Variants in GTF3C1 observed in about 807,000 individuals in gnomAD.
The protein encoded by GTF3C1 is general transcription factor 3C polypeptide 1.
Under a neutral mutation model 226.7 loss-of-function variants are expected in GTF3C1, and 57 were observed. That is an observed-to-expected ratio of 0.25 (90% CI 0.20 to 0.31). The LOEUF is 0.31. Among genes scored for constraint, GTF3C1 ranks in the 10% least tolerant of loss-of-function variants. The probability of loss-of-function intolerance (pLI) is 1.00; values close to 1 mark genes in which losing one functional copy is unlikely to be tolerated. For synonymous variants in GTF3C1, 1,090 were observed against 1,084.8 expected (o/e 1.00, Z -0.09); for missense variants, 2,217 against 2,776.1 (o/e 0.80, Z 4.53).
In GTF3C1 at chr16:27,469,742, G is replaced by A. The variant is rs1288508785; in HGVS notation, c.4815-192C>T. Among the ~76,000 whole-genome samples, 2 of 151,950 alleles carry A rather than the reference G, an allele frequency of 1.3e-5. No individual in the cohort carries two copies. Among genetic ancestry groups the A allele is most frequent in the African/African-American group, 2.4e-5 (1 of 41,336 alleles). ...CCTTTCCCACCTTCCCGTGCACCGCGCTCACCCCTTGTCACATAGCTGTAT... is the reference window on the plus strand; with the variant it reads ...CCTTTCCCACCTTCCCGTGCACCGCACTCACCCCTTGTCACATAGCTGTAT... On this transcript the variant is annotated intron_variant, in intron 31 of 36. Coordinates refer to ENST00000356183, the MANE Select transcript of GTF3C1 (RefSeq NM_001520.4). The surrounding 1 kb of genome is among the most constrained non-coding windows in gnomAD (Gnocchi z 4.5).
intron 12 of GTF3C1, among the ~76,000 whole-genome samples, chr16:27,500,470 C>T (rs931603651): frequency 6.6e-6 from 1 of 152,172 alleles, no homozygotes; most frequent in African/African-American, 2.4e-5. Context: ...CAAAAATGAC[C>T]TTGCTAGCTT....
intron 5 of GTF3C1, among the ~76,000 whole-genome samples, chr16:27,531,918 G>C (rs1431336281): frequency 6.6e-6 from 1 of 152,190 alleles, no homozygotes; most frequent in Non-Finnish European, 1.5e-5. Context: ...CTGATAAACT[G>C]AGACACAGAG....
chr16:27,496,110 T>TC (rs2088312514), intron 14 of GTF3C1, among the ~76,000 whole-genome samples: 1 of 152,072 alleles, frequency 6.6e-6, no homozygotes, highest in African/African-American at 2.4e-5. Context: ...GTGTGGCACC[T>TC]CCCCCAACTC....
intron 4 of GTF3C1, among the ~76,000 whole-genome samples, chr16:27,534,382 T>C (rs1186355458): frequency 1.3e-5 from 2 of 152,232 alleles, no homozygotes; most frequent in Non-Finnish European, 2.9e-5. Flanking sequence ...ACAGCTTGGC[T>C]TGACTTACAG....
In GTF3C1 at chr16:27,488,376, C is replaced by T; in HGVS notation, c.3551G>A (p.Gly1184Asp). 1 of 1,613,666 alleles carries T rather than the reference C, an allele frequency of 6.2e-7. No individual in the cohort carries two copies. ...RLNIWGEARV[G>D]SELCAGWEEQ... ...TTCCCAGCCAGCACAGAGCTCGGAG[C>T]CTACTCTTGCTTCCCCCCAAATATT... The change falls in exon 23 of 37, where the codon GGC (glycine) becomes GAC (aspartate). Residue 1184 changes from glycine (G) to aspartate (D), a missense_variant. Transcript: ENST00000356183.
intron 25 of GTF3C1, 61 bp downstream of exon 25, chr16:27,484,150 T>C: frequency 1.5e-6 from 2 of 1,295,494 alleles, no homozygotes; most frequent in Non-Finnish European, 2.2e-6. Context: ...CCCACCAGAC[T>C]CTTAAGCAAA....
chr16:27,519,699 G>C (rs904579515), intron 6 of GTF3C1, among the ~76,000 whole-genome samples: 8 of 151,852 alleles, frequency 5.3e-5, no homozygotes, highest in African/African-American at 1.9e-4. Context: ...GAGGGCAAGA[G>C]AAAAGAGAAA....
At chr16:27,531,759 G>A (rs955160610) in intron 5 of GTF3C1, among the ~76,000 whole-genome samples, 3 of 151,990 alleles carry the variant, frequency 2.0e-5, no homozygotes, top group Non-Finnish European at 4.4e-5. Flanking sequence ...TAGGAGAGAG[G>A]GTTTCAATCT....
intron 6 of GTF3C1, among the ~76,000 whole-genome samples, chr16:27,512,618 A>G (rs2088592356): frequency 6.6e-6 from 1 of 152,238 alleles, no homozygotes; most frequent in African/African-American, 2.4e-5. Context: ...TGTGCATTCA[A>G]ATCATCACAC....
chr16:27,465,575 G>A (rs576901340), intron 32 of GTF3C1, 35 bp from the exon 33 acceptor site: 25 of 1,545,150 alleles, frequency 1.6e-5, no homozygotes, highest in African/African-American at 1.1e-4. Context: ...GAGGCAGCCC[G>A]ACAGAGGCCC....
chr16:27,509,276 C>A lies in GTF3C1; in HGVS notation c.1127-621G>T, dbSNP rs540743733. On this transcript the variant is annotated intron_variant, in intron 7 of 36. Coordinates refer to ENST00000356183, the MANE Select transcript of GTF3C1 (RefSeq NM_001520.4). ...TTGTCTACTCCTGGGCTGTCACAAG[C>A]TGGTGTATGTCAGGATTGTGAGTAT... 6.6e-5 allele frequency among the ~76,000 whole-genome samples: 10 copies of A among 152,260 alleles called. No individual in the cohort carries two copies. In the East Asian group the frequency reaches 1.9e-3, roughly 29 times the overall value.
intron 26 of GTF3C1, chr16:27,482,730 C>G (rs920415379): frequency 2.3e-6 from 1 of 442,306 alleles, no homozygotes; most frequent in Non-Finnish European, 4.4e-6. Flanking sequence ...AAAACCCACA[C>G]CCAGTCTGCG....
At position 27,549,873 on chromosome 16, in the gene GTF3C1, C is replaced by T. The variant is rs143230097; in HGVS notation, c.18G>A (p.Ser6=). The change falls in exon 1 of 37, where the codon TCG becomes TCA. Residue 6 remains serine, a synonymous_variant. Transcript: ENST00000356183. MDALE[S]LLDEVALEGL... is the part of the protein sequence containing the mutation. ...CCTCCAGAGCGACTTCGTCCAACAA[C>T]GACTCCAGCGCGTCCATTGCTACTT... 1 of 1,611,980 alleles carries T rather than the reference C, an allele frequency of 6.2e-7. No individual in the cohort carries two copies. The highest frequency in any genetic ancestry group is 8.5e-7 in the Non-Finnish European group (1 of 1,178,916).
intron 2 of GTF3C1, among the ~76,000 whole-genome samples, chr16:27,543,563 GTTTT>G (rs1305676826): frequency 6.6e-6 from 1 of 151,932 alleles, no homozygotes; most frequent in Non-Finnish European, 1.5e-5. Flanking sequence ...CTAGTTTTTT[GTTTT>G]TTTAATTTTT....
At position 27,507,806 on chromosome 16, in the gene GTF3C1, CAA is replaced by C. The variant is rs1277645658; in HGVS notation, c.1243-652_1243-651del. Among the ~76,000 whole-genome samples, 1 of 152,226 alleles carries C rather than the reference CAA, an allele frequency of 6.6e-6. No homozygotes were observed. Among genetic ancestry groups the C allele is most frequent in the Non-Finnish European group, 1.5e-5 (1 of 68,036 alleles). On this transcript the variant is annotated intron_variant, in intron 8 of 36. Transcript: ENST00000356183. The surrounding 1 kb of genome is among the most constrained non-coding windows in gnomAD (Gnocchi z 4.9). ...GGGCTGAGACCACAGGTCTGAATTA[CAA>C]AAGAGTGCCAGACAGGCATAGCTGG...
rs150721518 is a variant in GTF3C1, at chr16:27,506,136, T to C, written c.1553-20A>G. ...ACCCACCTGTGGTGGAGGGAAGAGATAGAACAAATCAAGGGGGAGGCCAGG... is the reference window on the plus strand; with the variant it reads ...ACCCACCTGTGGTGGAGGGAAGAGACAGAACAAATCAAGGGGGAGGCCAGG... On this transcript the variant is annotated intron_variant, in intron 9 of 36. Transcript: ENST00000356183. 1.2e-5 allele frequency: 18 copies of C among 1,467,972 alleles called. No homozygotes were observed. Among genetic ancestry groups the C allele is most frequent in the South Asian group, 3.4e-5 (3 of 87,554 alleles). The allele number at this position is 1,467,972 out of a possible 1,614,324, so 90.9% of individuals were successfully genotyped here.
chr16:27,543,986 G>A (rs1029391237), intron 2 of GTF3C1, among the ~76,000 whole-genome samples: 1 of 152,144 alleles, frequency 6.6e-6, no homozygotes. Context: ...TAAGAAGCGT[G>A]GGTGCAGAGT....
rs530510735 is a variant in GTF3C1, at chr16:27,492,160, A to T, written c.3151+178T>A. On this transcript the variant is annotated intron_variant, in intron 19 of 36. Coordinates refer to ENST00000356183, the MANE Select transcript of GTF3C1 (RefSeq NM_001520.4). The surrounding 1 kb of genome is among the most constrained non-coding windows in gnomAD (Gnocchi z 5.0). ...TGGGGGAACCGGAAGCACCCCACCCATTCAAGGCCCGCCACTTTCCTTTCC... is the reference window on the plus strand; with the variant it reads ...TGGGGGAACCGGAAGCACCCCACCCTTTCAAGGCCCGCCACTTTCCTTTCC... Among the ~76,000 whole-genome samples, 4 of 152,302 alleles carry T rather than the reference A, an allele frequency of 2.6e-5. No individual in the cohort carries two copies. The East Asian group carries it at 7.7e-4, about 29-fold the overall frequency.
rs2087754060 is a variant in GTF3C1, at chr16:27,464,548, G to A, written c.5644C>T (p.Pro1882Ser). 1 of 1,499,138 alleles carries A rather than the reference G, an allele frequency of 6.7e-7. No individual in the cohort carries two copies. Among genetic ancestry groups the A allele is most frequent in the Non-Finnish European group, 8.9e-7 (1 of 1,124,018 alleles). 92.9% of individuals were successfully genotyped at this position (1,499,138 alleles called of 1,614,324 possible). Reference sequence around the variant, plus strand: ...TCCTGGAGCGCTGGCCTCTTGGCAGGGGTCATCTGGGTGCCCTCGGCGTCG... The same window carrying A: ...TCCTGGAGCGCTGGCCTCTTGGCAGAGGTCATCTGGGTGCCCTCGGCGTCG... Reference protein sequence around the residue: ...ETDAEGTQMTPAKRPALQDSN... With the variant: ...ETDAEGTQMTSAKRPALQDSN... The change falls in exon 34 of 37, where the codon CCT (proline) becomes TCT (serine). Residue 1882 changes from proline to serine, a missense_variant. Transcript: ENST00000356183.
Sources: gnomAD v4.1 joint callset for allele counts (sites outside exome capture counted in the v4.1 genomes callset) on GRCh38, gnomAD v4.1.1 for gene constraint, Gnocchi (gnomAD v3.1) non-coding constraint, MANE v1.5 for transcripts, NCBI Gene and HGNC (gene_info 2026-07-23, HGNC 2026-07-21) for gene names.